Variants in TIAL1 observed in about 807,000 individuals in gnomAD.
TIAL1 encodes TIA1 cytotoxic granule associated RNA binding protein like 1, also known as nucleolysin TIAR.
In TIAL1, 7 loss-of-function variants were observed where a neutral mutation model predicts 59.7. The observed-to-expected ratio is 0.12, with a 90% CI of 0.07 to 0.22. The LOEUF is 0.22. Among genes scored for constraint, TIAL1 ranks in the 10% least tolerant of loss-of-function variants. The pLI is 1.00. For synonymous variants in TIAL1, 149 were observed against 146.3 expected, an observed-to-expected ratio of 1.02 and a Z score of -0.13; for missense variants, 225 against 462.5, an observed-to-expected ratio of 0.49 and a Z score of 4.71.
Position 119,588,327 on chromosome 10 carries a change from T to TTTTC in TIAL1, c.33-83_33-80dup, listed in dbSNP as rs72518192. 8.6e-4 allele frequency: 428 copies of TTTTC among 498,690 alleles called. 1 individual carries two copies. The highest frequency in any genetic ancestry group is 3.9e-3 in the Middle Eastern group (12 of 3,078). The allele number at this position is 498,690 out of a possible 1,614,324, so 30.9% of individuals were successfully genotyped here. A position where few individuals can be genotyped will look rare whatever the true frequency, so the allele number is the denominator to read the frequency against. On this transcript the variant is annotated intron_variant, in intron 1 of 11. Coordinates refer to ENST00000436547, the MANE Select transcript of TIAL1 (RefSeq NM_003252.4). Reference sequence around the variant, plus strand: ...ATGTGTTATCATCTAATTCATCACCTTTTCTTTCTTTCTTTCTTTCTTTCT... The same window carrying TTTTC: ...ATGTGTTATCATCTAATTCATCACCTTTTCTTTCTTTCTTTCTTTCTTTCTTTCT...
chr10:119,575,587 T>C lies in TIAL1; in HGVS notation c.*78A>G, dbSNP rs190349256. ...TAAAATAAATATTTTCATTTTCCGA[T>C]GTCTACTTTCATGTCTTCAGAGTGT... On this transcript the variant is annotated 3_prime_UTR_variant, in exon 12 of 12. Transcript: ENST00000436547. 1.4e-4 allele frequency: 219 copies of C among 1,535,034 alleles called. 1 individual carries two copies. The East Asian group carries it at 4.0e-3, about 28-fold the overall frequency.
At chr10:119,581,014 T>C (rs1374362964) in intron 5 of TIAL1, among the ~76,000 whole-genome samples, 1 of 152,006 alleles carries the variant, frequency 6.6e-6, no homozygotes, top group African/African-American at 2.4e-5. Context: ...AAAGCAAATA[T>C]CAAAACAGAA....
chr10:119,596,638 C>G lies in TIAL1; in HGVS notation c.-173G>C, dbSNP rs1846216862. On this transcript the variant is annotated 5_prime_UTR_variant, in exon 1 of 12. Coordinates refer to ENST00000436547, the MANE Select transcript of TIAL1 (RefSeq NM_003252.4). ...GCCCGCTCCGGACACTGCGCTCCAA[C>G]CAGGAGGAGCAGGAGGAGGAGGAGG... 1.6e-6 allele frequency: 1 copy of G among 606,506 alleles called. No homozygotes were observed. The highest frequency in any genetic ancestry group is 2.0e-5 in the South Asian group (1 of 50,952). The allele number at this position is 606,506 out of a possible 1,614,324, so 37.6% of individuals were successfully genotyped here. A position where few individuals can be genotyped will look rare whatever the true frequency, so the allele number is the denominator to read the frequency against.
chr10:119,590,750 C>A (rs80265729), intron 1 of TIAL1, among the ~76,000 whole-genome samples: 1,116 of 72,764 alleles, frequency 0.015, 10 homozygotes, highest in South Asian at 0.038. Flanking sequence ...GAGAGAGAGA[C>A]AGAGAGAAAG....
intron 1 of TIAL1, among the ~76,000 whole-genome samples, chr10:119,591,391 G>A (rs1845873824): frequency 6.7e-6 from 1 of 148,324 alleles, no homozygotes; most frequent in Non-Finnish European, 1.5e-5. Context: ...TGGGCAACAA[G>A]AGCGAAACTC....
Position 119,576,628 on chromosome 10 carries a change from T to C in TIAL1, c.984A>G (p.Gln328=). 5 of 1,614,120 alleles carry C rather than the reference T, an allele frequency of 3.1e-6. No homozygotes were observed. The highest frequency in any genetic ancestry group is 4.2e-6 in the Non-Finnish European group (5 of 1,180,000). Residue 328 remains glutamine, a synonymous_variant, in exon 11 of 12, where the codon CAA becomes CAG. Coordinates refer to ENST00000436547, the MANE Select transcript of TIAL1 (RefSeq NM_003252.4). ...PYGVYGQPWN[Q]QGFGVDQSPS... ...CAACTTACTCTACTCCAAATCCTTGTTGATTCCATGGTTGCCCGTATACTC... is the reference window on the plus strand; with the variant it reads ...CAACTTACTCTACTCCAAATCCTTGCTGATTCCATGGTTGCCCGTATACTC...
At chr10:119,593,975 T>C (rs1023847611) in intron 1 of TIAL1, among the ~76,000 whole-genome samples, 18 of 151,758 alleles carry the variant, frequency 1.2e-4, no homozygotes, top group African/African-American at 4.4e-4. Context: ...GAAAGAAGTA[T>C]AATCACTGTA....
At chr10:119,593,890 A>G (rs1306692939) in intron 1 of TIAL1, among the ~76,000 whole-genome samples, 1 of 152,222 alleles carries the variant, frequency 6.6e-6, no homozygotes, top group African/African-American at 2.4e-5. Flanking sequence ...AGACTGCACC[A>G]CATGTGACAG....
At chr10:119,581,133 A>T (rs760363665) in intron 5 of TIAL1, among the ~76,000 whole-genome samples, 1 of 152,108 alleles carries the variant, frequency 6.6e-6, no homozygotes, top group Admixed American at 6.5e-5. Flanking sequence ...TAGTACTAAG[A>T]TGTTTAATTT....
In TIAL1 at chr10:119,582,339, T is replaced by C; in HGVS notation, c.229-116A>G. ...ATTTTTGTAAAAGCACTAAGCTGAA[T>C]AAAGCAAAACCATCACTCAGCAGCC... On this transcript the variant is annotated intron_variant, in intron 3 of 11. Transcript: ENST00000436547. The surrounding 1 kb of genome is among the most constrained non-coding windows in gnomAD (Gnocchi z 5.1). The C allele has an allele frequency of 6.8e-7, 1 of 1,480,690 alleles. No individual in the cohort carries two copies. Among genetic ancestry groups the C allele is most frequent in the Non-Finnish European group, 9.1e-7 (1 of 1,103,724 alleles). The allele number at this position is 1,480,690 out of a possible 1,614,324, so 91.7% of individuals were successfully genotyped here.
Position 119,582,071 on chromosome 10 carries a change from G to GC in TIAL1, c.284-63dup. 2 of 1,602,366 alleles carry GC rather than the reference G, an allele frequency of 1.2e-6. No homozygotes were observed. The highest frequency in any genetic ancestry group is 1.7e-5 in the Admixed American group (1 of 59,588). On this transcript the variant is annotated intron_variant, in intron 4 of 11. Transcript: ENST00000436547. This position sits in a 1 kb window ranked among gnomAD's most constrained non-coding sequence, Gnocchi z 5.1. ...AGTCAGCCACTAAAACCTTTTTAAGGCAACTCTAGAGGAGGAAAAAAAAAC... is the reference window on the plus strand; with the variant it reads ...AGTCAGCCACTAAAACCTTTTTAAGGCCAACTCTAGAGGAGGAAAAAAAAAC...
intron 1 of TIAL1, among the ~76,000 whole-genome samples, chr10:119,592,718 G>A: frequency 6.6e-6 from 1 of 151,990 alleles, no homozygotes; most frequent in East Asian, 1.9e-4. Context: ...GAAGATAGCT[G>A]CAGGAGGTAC....
At position 119,574,229 on chromosome 10, in the gene TIAL1, G is replaced by A. The variant is rs1416318974; in HGVS notation, c.*1436C>T. 6.6e-6 allele frequency: 1 copy of A among 152,208 alleles called. No homozygotes were observed. Among genetic ancestry groups the A allele is most frequent in the Non-Finnish European group, 1.5e-5 (1 of 68,002 alleles). The allele number at this position is 152,208 out of a possible 1,614,324, so 9.4% of individuals were successfully genotyped here. A position where few individuals can be genotyped will look rare whatever the true frequency, so the allele number is the denominator to read the frequency against. On this transcript the variant is annotated 3_prime_UTR_variant, in exon 12 of 12. Transcript: ENST00000436547. ...GAAAAATACCTTGAAAGCAAACCTCGGTCTTCTGCATCTTCCAATTGATTC... is the reference window on the plus strand; with the variant it reads ...GAAAAATACCTTGAAAGCAAACCTCAGTCTTCTGCATCTTCCAATTGATTC...
rs1024572171 is a variant in TIAL1 at position 119,596,728 on chromosome 10, C to G, written c.-263G>C. 4.4e-5 allele frequency: 24 copies of G among 549,502 alleles called. No homozygotes were observed. The highest frequency in any genetic ancestry group is 7.8e-5 in the Non-Finnish European group (24 of 307,078). The allele number at this position is 549,502 out of a possible 1,614,324, so 34.0% of individuals were successfully genotyped here. On this transcript the variant is annotated 5_prime_UTR_variant, in exon 1 of 12. Coordinates refer to ENST00000436547, the MANE Select transcript of TIAL1 (RefSeq NM_003252.4). ...AGGGCAGAGCGCAGGCGCGACCCGC[C>G]AGGTCACCGCTCAGGCCAGCCGCGA... is the stretch of plus-strand genomic sequence containing the variant.
intron 1 of TIAL1, among the ~76,000 whole-genome samples, chr10:119,590,762 GAGAAAGAAAGAAAGAAAGAA>G (rs60594014): frequency 0.015 from 1,862 of 125,394 alleles, 22 homozygotes; most frequent in South Asian, 0.042. Context: ...GAGAGAAAGA[GAGAAAGAAAGAAAGAAAGAA>G]AGAAAGAAAG....
chr10:119,575,795 G>C lies in TIAL1; in HGVS notation c.1002-4C>G. 1.3e-6 allele frequency: 2 copies of C among 1,504,210 alleles called. No individual in the cohort carries two copies. Among genetic ancestry groups the C allele is most frequent in the Non-Finnish European group, 1.8e-6 (2 of 1,129,572 alleles). 93.2% of individuals were successfully genotyped at this position (1,504,210 alleles called of 1,614,324 possible). ...CCAAGCAGCAGAAGGTGATTGACTT[G>C]GAAGAAAAAGAAAAAATCTTCAGCA... On this transcript the variant is annotated splice_region_variant and splice_polypyrimidine_tract_variant and intron_variant, in intron 11 of 11. Coordinates refer to ENST00000436547, the MANE Select transcript of TIAL1 (RefSeq NM_003252.4).
At chr10:119,592,339 T>C (rs567733861) in intron 1 of TIAL1, 3 of 152,308 alleles carry the variant, frequency 2.0e-5, no homozygotes, top group South Asian at 4.1e-4. Context: ...ATCTCTAATA[T>C]CAGGGTTAAA....
intron 1 of TIAL1, among the ~76,000 whole-genome samples, chr10:119,594,090 A>T (rs550298653): frequency 6.6e-6 from 1 of 151,156 alleles, no homozygotes; most frequent in Admixed American, 6.6e-5. Context: ...AAAAGGCCCT[A>T]TGGAAAAGGG....
At chr10:119,586,953 T>G (rs1156682953) in intron 2 of TIAL1, among the ~76,000 whole-genome samples, 1 of 152,204 alleles carries the variant, frequency 6.6e-6, no homozygotes, top group Non-Finnish European at 1.5e-5. Context: ...GGGAAACTCA[T>G]TTGGCTGTCT....
Sources: gnomAD v4.1 joint callset for allele counts (sites outside exome capture counted in the v4.1 genomes callset) on GRCh38, gnomAD v4.1.1 for gene constraint, Gnocchi (gnomAD v3.1) non-coding constraint, MANE v1.5 for transcripts, NCBI Gene and HGNC (gene_info 2026-07-23, HGNC 2026-07-21) for gene names.